DGKG: variants seen among roughly 807,000 people sequenced by gnomAD.
The protein encoded by DGKG is DAG kinase gamma.
Under a neutral mutation model 105.3 loss-of-function variants are expected in DGKG, and 78 were observed. That is an observed-to-expected ratio of 0.74 (90% CI 0.62 to 0.89). The LOEUF is 0.89. DGKG is among the 40% of genes least tolerant of loss of function. DGKG has a pLI of 0.00. For missense variants in DGKG, 958 were observed against 1,020.1 expected, an observed-to-expected ratio of 0.94 and a Z score of 0.83; for synonymous variants, 346 against 367.1, an observed-to-expected ratio of 0.94 and a Z score of 0.66.
At chr3:186,257,449 C>T (rs894967257) in intron 17 of DGKG, among the ~76,000 whole-genome samples, 2 of 152,144 alleles carry the variant, frequency 1.3e-5, no homozygotes, top group Non-Finnish European at 2.9e-5. Flanking sequence ...GACTCAGGCT[C>T]CGGGTGTTCA....
intron 20 of DGKG, among the ~76,000 whole-genome samples, chr3:186,234,600 G>A (rs2076366766): frequency 6.6e-6 from 1 of 152,122 alleles, no homozygotes; most frequent in African/African-American, 2.4e-5. Flanking sequence ...ACTCTTTGTT[G>A]ACATGAATAA....
At chr3:186,270,252 A>G (rs1321719422) in intron 11 of DGKG, among the ~76,000 whole-genome samples, 1 of 152,102 alleles carries the variant, frequency 6.6e-6, no homozygotes, top group East Asian at 1.9e-4. Flanking sequence ...CAGCCACCCA[A>G]GTAGCTGGGA....
intron 20 of DGKG, among the ~76,000 whole-genome samples, chr3:186,237,411 G>T (rs1720470936): frequency 6.6e-6 from 1 of 152,096 alleles, no homozygotes; most frequent in African/African-American, 2.4e-5. Context: ...CCTGCTCCTT[G>T]CTGTGGACGT....
At chr3:186,187,846 G>T (rs926271071) in intron 22 of DGKG, among the ~76,000 whole-genome samples, 2 of 152,110 alleles carry the variant, frequency 1.3e-5, no homozygotes, top group Admixed American at 1.3e-4. Context: ...CCAGGAAGAG[G>T]GAGTGATCAG....
At chr3:186,184,740 C>T (rs1717538409) in intron 22 of DGKG, among the ~76,000 whole-genome samples, 1 of 152,128 alleles carries the variant, frequency 6.6e-6, no homozygotes. Context: ...TCATCATTTC[C>T]TCTTCCATTT....
At chr3:186,289,462 G>A (rs1723219802) in intron 5 of DGKG, among the ~76,000 whole-genome samples, 1 of 152,138 alleles carries the variant, frequency 6.6e-6, no homozygotes, top group African/African-American at 2.4e-5. Context: ...ACAAGAATGG[G>A]GTAAGTTTTC....
intron 21 of DGKG, among the ~76,000 whole-genome samples, chr3:186,188,907 C>T (rs550698852): frequency 4.6e-5 from 7 of 152,130 alleles, no homozygotes; most frequent in East Asian, 1.9e-4. Context: ...CTCCACTTTC[C>T]GGTTTCAAGC....
rs112933170 is a variant in DGKG, at chr3:186,234,483, AAATC to A, written c.1826+8017_1826+8020del. 3.1e-3 allele frequency among the ~76,000 whole-genome samples: 472 copies of A among 152,360 alleles called. 2 individuals are homozygous for A. The highest frequency in any genetic ancestry group is 0.011 in the African/African-American group (447 of 41,586). On this transcript the variant is annotated intron_variant, in intron 20 of 24. Coordinates refer to ENST00000265022, the MANE Select transcript of DGKG (RefSeq NM_001346.3). ...AGTTCTTTGATGGAAATATTTCTAG[AAATC>A]AATCAGTCAGTAAATACTGATAACT...
At chr3:186,325,946 G>A (rs939824337) in intron 1 of DGKG, among the ~76,000 whole-genome samples, 4 of 151,988 alleles carry the variant, frequency 2.6e-5, no homozygotes, top group Non-Finnish European at 4.4e-5. Flanking sequence ...GGCTCATCTC[G>A]TACTTCCTCA....
At position 186,150,114 on chromosome 3, in the gene DGKG, T is replaced by G; in HGVS notation, c.2352A>C (p.Arg784Ser). 6.2e-7 allele frequency: 1 copy of G among 1,613,718 alleles called. No homozygotes were observed. The highest frequency in any genetic ancestry group is 8.5e-7 in the Non-Finnish European group (1 of 1,179,850). The part of the protein sequence containing the change: ...PPQKSSFFSL[R>S]RKSRSKD The stretch of plus-strand genomic sequence containing the variant: ...TTTAGTCTTTTGAACGGCTCTTCCT[T>G]CTCAACGAGAAGAAGCTGCTCTTCT... The change falls in exon 25 of 25, where the codon AGA (arginine) becomes AGC (serine). Residue 784 changes from arginine to serine, a missense_variant. Around this residue, in one of 2 missense-constraint regions of DGKG, gnomAD observed 315 missense variants for 400.6 expected, o/e 0.79. Coordinates refer to ENST00000265022, the MANE Select transcript of DGKG (RefSeq NM_001346.3).
At chr3:186,345,696 C>T (rs1321928966) in intron 1 of DGKG, among the ~76,000 whole-genome samples, 15 of 152,138 alleles carry the variant, frequency 9.9e-5, no homozygotes, top group Admixed American at 9.8e-4. Context: ...GGGTTTTAGG[C>T]CCAAATTTTT....
chr3:186,273,176 A>C (rs753257522), intron 10 of DGKG, among the ~76,000 whole-genome samples: 5 of 152,102 alleles, frequency 3.3e-5, no homozygotes, highest in Non-Finnish European at 7.4e-5. Flanking sequence ...GCAGTAGTAC[A>C]TGAGATAGTT....
chr3:186,275,579 A>G lies in DGKG; in HGVS notation c.878T>C (p.Met293Thr). 6.2e-7 allele frequency: 1 copy of G among 1,614,272 alleles called. No homozygotes were observed. Residue 293 changes from methionine to threonine, a missense_variant, in exon 10 of 25, where the codon ATG becomes ACG. Met to Thr is a moderately conservative substitution (Grantham distance 81, BLOSUM62 -1). Transcript: ENST00000265022. Reference protein sequence around the residue: ...TYCNFCHIMLMGVRKQGLCCT... With the variant: ...TYCNFCHIMLTGVRKQGLCCT... ...GCACAGGCCTTGCTTGCGGACGCCC[A>G]TGAGCATGATATGGCAGAAGTTGCA... is the stretch of plus-strand genomic sequence containing the variant.
chr3:186,274,924 A>T (rs1469647406), intron 10 of DGKG, among the ~76,000 whole-genome samples: 1 of 152,116 alleles, frequency 6.6e-6, no homozygotes, highest in Non-Finnish European at 1.5e-5. Context: ...GGCTGGGTCA[A>T]ATGGTATTTC....
intron 1 of DGKG, among the ~76,000 whole-genome samples, chr3:186,343,774 T>C (rs1310044690): frequency 6.6e-6 from 1 of 152,208 alleles, no homozygotes; most frequent in African/African-American, 2.4e-5. Flanking sequence ...CTTTCTAGAA[T>C]GTATCCATAT....
intron 20 of DGKG, among the ~76,000 whole-genome samples, chr3:186,217,867 C>A (rs1719371939): frequency 6.6e-6 from 1 of 152,202 alleles, no homozygotes; most frequent in Non-Finnish European, 1.5e-5. Flanking sequence ...GCTTAGAAGT[C>A]TACACAGAGA....
intron 22 of DGKG, among the ~76,000 whole-genome samples, chr3:186,165,222 GA>G (rs1423320575): frequency 5.3e-5 from 8 of 152,064 alleles, no homozygotes; most frequent in Non-Finnish European, 1.2e-4. Flanking sequence ...CAGTTTTAGT[GA>G]AAAAAGATTT....
At chr3:186,337,008 C>T (rs1395813860) in intron 1 of DGKG, among the ~76,000 whole-genome samples, 1 of 152,154 alleles carries the variant, frequency 6.6e-6, no homozygotes, top group Non-Finnish European at 1.5e-5. Context: ...GGTCTACTTG[C>T]CCCACCCTCC....
At chr3:186,180,973 T>C (rs1444890020) in intron 22 of DGKG, among the ~76,000 whole-genome samples, 1 of 152,226 alleles carries the variant, frequency 6.6e-6, no homozygotes, top group East Asian at 1.9e-4. Flanking sequence ...GGAGGGCAGA[T>C]CTGATGACTA....
Sources: allele counts gnomAD v4.1 joint callset (sites outside exome capture counted in the v4.1 genomes callset), GRCh38; gene constraint gnomAD v4.1.1; regional missense constraint gnomAD v4.1.1; transcripts MANE v1.5; gene names NCBI Gene and HGNC (gene_info 2026-07-23, HGNC 2026-07-21).